The following CCDC178 variants were observed in gnomAD, a reference collection of about 807,000 sequenced individuals.
The protein encoded by CCDC178 is coiled-coil domain-containing protein 178.
CCDC178 carries 126 observed loss-of-function variants against 117.4 expected under a neutral mutation model. The observed-to-expected ratio is 1.07, with a 90% confidence interval of 0.93 to 1.24. The LOEUF (loss-of-function observed/expected upper bound fraction) is 1.24, where lower values mean the gene tolerates loss of function less well. Ranked by LOEUF, CCDC178 falls within the 50% of genes most tolerant of loss-of-function variation. CCDC178 has a pLI of 0.00. For synonymous variants in CCDC178, 283 were observed against 313.4 expected (o/e 0.90, Z 1.02); for missense variants, 1,030 against 986.9 (o/e 1.04, Z -0.59).
intron 6 of CCDC178, among the ~76,000 whole-genome samples, chr18:33,368,608 C>T (rs1188352731): frequency 6.6e-6 from 1 of 151,838 alleles, no homozygotes; most frequent in African/African-American, 2.4e-5. Context: ...CTGTTCAGAG[C>T]ACCAAGTCGG....
intron 7 of CCDC178, 61 bp downstream of exon 7, chr18:33,356,262 CA>C: frequency 7.1e-7 from 1 of 1,404,124 alleles, no homozygotes; most frequent in Non-Finnish European, 9.6e-7. Context: ...TGGATTATAG[CA>C]GATGATTGAA....
chr18:33,427,027 A>G (rs1729395895), intron 2 of CCDC178, among the ~76,000 whole-genome samples: 1 of 152,152 alleles, frequency 6.6e-6, no homozygotes, highest in African/African-American at 2.4e-5. Flanking sequence ...TTAAACATAG[A>G]AAAGATTCAT....
chr18:33,231,726 T>C lies in CCDC178; in HGVS notation c.1594-4871A>G, dbSNP rs539841319. Among the ~76,000 whole-genome samples the C allele has an allele frequency of 7.6e-4, 116 of 152,296 alleles. 2 individuals are homozygous for C. In the South Asian group the frequency reaches 0.021, roughly 28 times the overall value. ...ATTCTCCTGCAGAACTGCCACCAGC[T>C]GGTGTGTGGGGAGGTTCTCTGCCCA... On this transcript the variant is annotated intron_variant, in intron 15 of 22. Transcript: ENST00000383096.
intron 21 of CCDC178, among the ~76,000 whole-genome samples, chr18:33,012,710 A>G (rs1327529902): frequency 1.3e-5 from 2 of 152,162 alleles, no homozygotes; most frequent in Non-Finnish European, 2.9e-5. Context: ...TTTAAATTTC[A>G]TATTTTAGTT....
chr18:33,070,230 G>A (rs1374281008), intron 21 of CCDC178, among the ~76,000 whole-genome samples: 1 of 152,008 alleles, frequency 6.6e-6, no homozygotes, highest in East Asian at 1.9e-4. Flanking sequence ...GCACCCGCAT[G>A]TTTATTGCAG....
rs563385938 is a variant in CCDC178 at position 32,964,972 on chromosome 18, A to T, written c.2523+9575T>A. Among the ~76,000 whole-genome samples the T allele has an allele frequency of 1.1e-4, 16 of 151,806 alleles. 1 individual carries two copies. The South Asian group carries it at 1.7e-3, about 16-fold the overall frequency. On this transcript the variant is annotated intron_variant, in intron 22 of 22. Transcript: ENST00000383096. ...GACTGTATCTTTAACTTGTTTGTTT[A>T]CTGTCTTTTTTCCACAACTGGAAGG...
At chr18:33,367,764 C>G (rs192109125) in intron 6 of CCDC178, among the ~76,000 whole-genome samples, 2 of 151,976 alleles carry the variant, frequency 1.3e-5, no homozygotes, top group African/African-American at 4.8e-5. Context: ...TCAACACTAG[C>G]AAATCTAACT....
chr18:33,165,734 G>A lies in CCDC178; in HGVS notation c.2238+46162C>T, dbSNP rs141014026. Among the ~76,000 whole-genome samples the A allele has an allele frequency of 7.7e-3, 1,165 of 152,230 alleles. 5 individuals carry two copies. Among genetic ancestry groups the A allele is most frequent in the Non-Finnish European group, 0.012 (812 of 68,016 alleles). On this transcript the variant is annotated intron_variant, in intron 20 of 22. Transcript: ENST00000383096. ...GATGTTTTATTTAAAAAAAAGGCTA[G>A]TTCAATTCACAGCTCCAAATATCAC...
intron 21 of CCDC178, among the ~76,000 whole-genome samples, chr18:33,086,333 TAG>T (rs1567979298): frequency 6.6e-6 from 1 of 151,170 alleles, no homozygotes; most frequent in Non-Finnish European, 1.5e-5. Context: ...ATCATGAAAG[TAG>T]AGTTTGTGAC....
At chr18:33,388,990 G>C (rs149932470) in intron 5 of CCDC178, among the ~76,000 whole-genome samples, 66 of 152,116 alleles carry the variant, frequency 4.3e-4, no homozygotes, top group African/African-American at 1.4e-3. Context: ...GCCTGTAGGG[G>C]GAGGGCAGGT....
intron 20 of CCDC178, among the ~76,000 whole-genome samples, chr18:33,151,802 G>C (rs1468789419): frequency 6.6e-6 from 1 of 152,148 alleles, no homozygotes; most frequent in Non-Finnish European, 1.5e-5. Flanking sequence ...GATTAACTTA[G>C]TGAAGAGAGT....
chr18:33,085,854 A>T (rs1225499413), intron 21 of CCDC178, among the ~76,000 whole-genome samples: 2 of 152,088 alleles, frequency 1.3e-5, no homozygotes, highest in Non-Finnish European at 2.9e-5. Flanking sequence ...AATATTTAGC[A>T]TATAAATATA....
intron 12 of CCDC178, among the ~76,000 whole-genome samples, chr18:33,284,821 G>A (rs1425816656): frequency 6.6e-6 from 1 of 151,982 alleles, no homozygotes; most frequent in African/African-American, 2.4e-5. Flanking sequence ...GAGAACGCAA[G>A]GAGAGAAATT....
At chr18:33,151,022 C>T (rs533250066) in intron 20 of CCDC178, among the ~76,000 whole-genome samples, 8 of 152,206 alleles carry the variant, frequency 5.3e-5, no homozygotes, top group East Asian at 3.9e-4. Context: ...TATGTTCTCA[C>T]TTATAAGTGG....
At chr18:33,434,057 C>T (rs1394284469) in intron 2 of CCDC178, among the ~76,000 whole-genome samples, 1 of 151,936 alleles carries the variant, frequency 6.6e-6, no homozygotes, top group Non-Finnish European at 1.5e-5. Context: ...AAAATTCATC[C>T]AACAGTATAG....
intron 5 of CCDC178, among the ~76,000 whole-genome samples, chr18:33,375,444 T>C (rs2063351530): frequency 6.6e-6 from 1 of 152,164 alleles, no homozygotes; most frequent in Non-Finnish European, 1.5e-5. Context: ...TTCCCAAATC[T>C]GTCCTTCCTA....
At chr18:33,243,492 T>C (rs946210172) in intron 15 of CCDC178, among the ~76,000 whole-genome samples, 2 of 151,856 alleles carry the variant, frequency 1.3e-5, no homozygotes, top group Admixed American at 6.6e-5. Context: ...TATGGCAATA[T>C]CACTATGTAC....
chr18:33,139,604 G>C (rs1347625235), intron 20 of CCDC178, among the ~76,000 whole-genome samples: 1 of 152,128 alleles, frequency 6.6e-6, no homozygotes, highest in Non-Finnish European at 1.5e-5. Context: ...GTGGAACTTT[G>C]AACTTGAGAG....
At chr18:33,431,816 T>A (rs1266514154) in intron 2 of CCDC178, among the ~76,000 whole-genome samples, 2 of 152,236 alleles carry the variant, frequency 1.3e-5, no homozygotes, top group Non-Finnish European at 2.9e-5. Flanking sequence ...CATTTTTATA[T>A]CATAACAAGA....
Sources: gnomAD v4.1 joint callset for allele counts (sites outside exome capture counted in the v4.1 genomes callset) on GRCh38, gnomAD v4.1.1 for gene constraint, MANE v1.5 for transcripts, NCBI Gene and HGNC (gene_info 2026-07-23, HGNC 2026-07-21) for gene names.